The following DPP6 variants were observed in gnomAD, a reference collection of about 807,000 sequenced individuals.
DPP6 encodes the protein A-type potassium channel modulatory protein DPP6.
In DPP6, 69 loss-of-function variants were observed where a neutral mutation model predicts 122.6. That is an observed-to-expected ratio of 0.56 (90% CI 0.46 to 0.69). DPP6 has a LOEUF of 0.69. Ranked by LOEUF, DPP6 falls within the 30% of genes least tolerant of loss-of-function variation. The pLI is 0.00. For missense variants in DPP6, 928 were observed against 1,116.9 expected, an observed-to-expected ratio of 0.83 and a Z score of 2.41; for synonymous variants, 418 against 433.1, an observed-to-expected ratio of 0.97 and a Z score of 0.43.
intron 16 of DPP6, among the ~76,000 whole-genome samples, chr7:154,816,167 G>T (rs538216212): frequency 6.6e-6 from 1 of 152,080 alleles, no homozygotes; most frequent in Non-Finnish European, 1.5e-5. Flanking sequence ...CCTGAAAATC[G>T]GAGGAATAAC....
chr7:153,905,025 A>G (rs1446305482), intron 1 of DPP6, among the ~76,000 whole-genome samples: 3 of 152,250 alleles, frequency 2.0e-5, no homozygotes, highest in Non-Finnish European at 4.4e-5. Flanking sequence ...ATGCCAATAC[A>G]GTGAGGGGGA....
At chr7:154,772,089 T>G (rs1184193000) in intron 9 of DPP6, among the ~76,000 whole-genome samples, 2 of 152,142 alleles carry the variant, frequency 1.3e-5, no homozygotes, top group Non-Finnish European at 2.9e-5. Context: ...CAGAAGGTGC[T>G]CTGAAGCTGG....
chr7:154,456,201 A>C (rs1196249654), intron 2 of DPP6, among the ~76,000 whole-genome samples: 5 of 152,298 alleles, frequency 3.3e-5, no homozygotes, highest in African/African-American at 7.2e-5. Context: ...AATGGTTCCA[A>C]ATTCTCTGAA....
intron 1 of DPP6, among the ~76,000 whole-genome samples, chr7:154,082,363 C>T (rs377369195): frequency 8.0e-4 from 122 of 152,192 alleles, no homozygotes; most frequent in African/African-American, 2.9e-3. Flanking sequence ...AAAACGAAAT[C>T]CAGGGAAAGC....
chr7:154,421,927 G>A (rs962755525), intron 1 of DPP6, among the ~76,000 whole-genome samples: 7 of 152,196 alleles, frequency 4.6e-5, no homozygotes, highest in Non-Finnish European at 8.8e-5. Flanking sequence ...CAGAGCTACA[G>A]GACATAGAAA....
chr7:154,789,374 A>G (rs369274091), intron 10 of DPP6, among the ~76,000 whole-genome samples: 1 of 152,230 alleles, frequency 6.6e-6, no homozygotes, highest in South Asian at 2.1e-4. Context: ...TGAGCCCAGC[A>G]TTTCTGAGGG....
the DPP6 span, among the ~76,000 whole-genome samples, chr7:153,786,078 C>T: frequency 1.0e-3 from 152 of 152,256 alleles, 2 homozygotes; most frequent in South Asian, 0.03. Flanking sequence ...GCTAGGACAG[C>T]ATTGTCTTTT....
At chr7:154,729,438 AG>A (rs1842228273) in intron 8 of DPP6, among the ~76,000 whole-genome samples, 1 of 152,234 alleles carries the variant, frequency 6.6e-6, no homozygotes, top group Non-Finnish European at 1.5e-5. Context: ...GAAGCCATAA[AG>A]TTCTATGACT....
chr7:154,183,164 CTTGCCCCCTTTGGT>C (rs1798179546), intron 1 of DPP6, among the ~76,000 whole-genome samples: 1 of 152,224 alleles, frequency 6.6e-6, no homozygotes, highest in Non-Finnish European at 1.5e-5. Context: ...TTCCTCCTTT[CTTGCCCCCTTTGGT>C]TTCATGAAGC....
intron 1 of DPP6, among the ~76,000 whole-genome samples, chr7:154,148,544 G>A (rs1217049756): frequency 1.3e-5 from 2 of 151,374 alleles, no homozygotes; most frequent in African/African-American, 4.9e-5. Context: ...GGAGAATTCA[G>A]GGATCTAGAG....
At chr7:153,890,221 A>G (rs780205876) in intron 1 of DPP6, among the ~76,000 whole-genome samples, 5 of 152,270 alleles carry the variant, frequency 3.3e-5, no homozygotes, top group Admixed American at 2.0e-4. Flanking sequence ...CACAGAGACC[A>G]GATCTCAGTT....
chr7:154,103,956 G>T (rs181367692), intron 1 of DPP6, among the ~76,000 whole-genome samples: 1 of 152,114 alleles, frequency 6.6e-6, no homozygotes, highest in Non-Finnish European at 1.5e-5. Context: ...AGCCACTACC[G>T]GCTTCTCTCT....
At chr7:154,321,657 T>C (rs1036006210) in intron 1 of DPP6, among the ~76,000 whole-genome samples, 2 of 146,420 alleles carry the variant, frequency 1.4e-5, no homozygotes, top group African/African-American at 2.5e-5. Context: ...TAGTGGCGGG[T>C]GCCTGTAATC....
intron 1 of DPP6, among the ~76,000 whole-genome samples, chr7:154,370,198 G>A (rs1434890104): frequency 6.6e-6 from 1 of 152,070 alleles, no homozygotes; most frequent in African/African-American, 2.4e-5. Flanking sequence ...GGCCAGGCTG[G>A]TCTTGAACCC....
the DPP6 span, among the ~76,000 whole-genome samples, chr7:153,783,288 C>A: frequency 1.3e-5 from 2 of 152,160 alleles, no homozygotes; most frequent in East Asian, 3.9e-4. Flanking sequence ...AGGAAACTTA[C>A]AATCATGGCG....
chr7:154,750,827 G>A (rs756381337), intron 8 of DPP6, among the ~76,000 whole-genome samples: 3 of 152,188 alleles, frequency 2.0e-5, no homozygotes, highest in African/African-American at 4.8e-5. Flanking sequence ...GCAGTGGGCC[G>A]AGGATGGCCC....
intron 1 of DPP6, among the ~76,000 whole-genome samples, chr7:153,950,041 A>G (rs1802135608): frequency 6.6e-6 from 1 of 152,164 alleles, no homozygotes; most frequent in African/African-American, 2.4e-5. Context: ...AAGGAAACAT[A>G]TTCCTGTGGG....
At chr7:153,788,488 T>C in the DPP6 span, among the ~76,000 whole-genome samples, 1 of 152,216 alleles carries the variant, frequency 6.6e-6, no homozygotes, top group African/African-American at 2.4e-5. Flanking sequence ...CCACAATTCA[T>C]TGGTTGACAT....
intron 1 of DPP6, among the ~76,000 whole-genome samples, chr7:154,330,797 A>C (rs1808860581): frequency 1.3e-5 from 2 of 152,300 alleles, no homozygotes; most frequent in South Asian, 4.1e-4. Context: ...TGTTCACCAT[A>C]GTGCTCTGTG....
Sources: allele counts gnomAD v4.1 joint callset (sites outside exome capture counted in the v4.1 genomes callset), GRCh38; gene constraint gnomAD v4.1.1; transcripts MANE v1.5; gene names NCBI Gene and HGNC (gene_info 2026-07-23, HGNC 2026-07-21).